Variants in PCDHGA2 observed in about 807,000 individuals in gnomAD.
PCDHGA2 encodes the protein protocadherin gamma subfamily A, 2, also known as protocadherin gamma-A2.
Under a neutral mutation model 59.2 loss-of-function variants are expected in PCDHGA2, and 40 were observed. The ratio of observed to expected loss-of-function variants is 0.68; its 90% CI spans 0.52 to 0.88. The LOEUF (loss-of-function observed/expected upper bound fraction) is 0.88, where lower values mean the gene tolerates loss of function less well. Among genes scored for constraint, PCDHGA2 ranks in the 40% least tolerant of loss-of-function variants. The probability of loss-of-function intolerance (pLI) is 0.00; values close to 1 mark genes in which losing one functional copy is unlikely to be tolerated. For missense variants in PCDHGA2, 1,226 were observed against 1,204.0 expected, an observed-to-expected ratio of 1.02 and a Z score of -0.27; for synonymous variants, 560 against 526.0, an observed-to-expected ratio of 1.06 and a Z score of -0.89.
At chr5:141,429,045 G>C (rs919761577) in intron 1 of PCDHGA2, 15 of 151,954 alleles carry the variant, frequency 9.9e-5, no homozygotes, top group African/African-American at 2.9e-4. Context: ...TAGTACAGAC[G>C]GGGTTTCACC....
intron 1 of PCDHGA2, chr5:141,400,422 T>C (rs1460679509): frequency 1.2e-6 from 2 of 1,613,936 alleles, no homozygotes; most frequent in Non-Finnish European, 1.7e-6. Flanking sequence ...TCCTAAAATG[T>C]AGTGAGCAAT....
intron 1 of PCDHGA2, chr5:141,375,942 G>A (rs1772069544): frequency 1.2e-6 from 2 of 1,613,400 alleles, no homozygotes; most frequent in African/African-American, 2.7e-5. Flanking sequence ...TTCTCAGTGG[G>A]CCTGCACACG....
intron 1 of PCDHGA2, among the ~76,000 whole-genome samples, chr5:141,347,824 T>C (rs1758026620): frequency 6.6e-6 from 1 of 152,170 alleles, no homozygotes; most frequent in African/African-American, 2.4e-5. Flanking sequence ...CAAATGGTTT[T>C]ACCTATAGTG....
intron 1 of PCDHGA2, chr5:141,440,868 T>G (rs1288344051): frequency 3.9e-5 from 6 of 152,150 alleles, no homozygotes; most frequent in Non-Finnish European, 1.5e-5. Context: ...ATCTAGGATG[T>G]GTACAGCGTC....
At chr5:141,371,133 T>A in intron 1 of PCDHGA2, 2 of 1,614,000 alleles carry the variant, frequency 1.2e-6, no homozygotes, top group Non-Finnish European at 1.7e-6. Context: ...TCAGGACATG[T>A]ACAGGGTCAA....
At chr5:141,500,840 C>G (rs1394248251) in intron 2 of PCDHGA2, among the ~76,000 whole-genome samples, 1 of 151,966 alleles carries the variant, frequency 6.6e-6, no homozygotes, top group Non-Finnish European at 1.5e-5. Context: ...TGCTAATGGG[C>G]TTTTGCTACA....
At chr5:141,435,863 C>T (rs772361494) in intron 1 of PCDHGA2, among the ~76,000 whole-genome samples, 16 of 151,882 alleles carry the variant, frequency 1.1e-4, no homozygotes, top group Non-Finnish European at 2.2e-4. Context: ...TAGTTAAAAC[C>T]CAGAAAAGAG....
chr5:141,464,402 G>GAT (rs1039725208), intron 1 of PCDHGA2, among the ~76,000 whole-genome samples: 22 of 150,720 alleles, frequency 1.5e-4, no homozygotes, highest in Admixed American at 7.3e-4. Context: ...AAGAACCTGA[G>GAT]ATATATATAT....
At chr5:141,498,679 C>T (rs1454800332) in intron 2 of PCDHGA2, among the ~76,000 whole-genome samples, 1 of 152,170 alleles carries the variant, frequency 6.6e-6, no homozygotes, top group African/African-American at 2.4e-5. Flanking sequence ...CGCCTGTAAT[C>T]CCAGCACTTT....
At chr5:141,370,900 A>G (rs1561548541) in intron 1 of PCDHGA2, 1 of 1,613,950 alleles carries the variant, frequency 6.2e-7, no homozygotes, top group African/African-American at 1.3e-5. Flanking sequence ...TCGCTGCAGC[A>G]GTACTACCTC....
Position 141,361,518 on chromosome 5 carries a change from G to A in PCDHGA2, c.2424+20123G>A, listed in dbSNP as rs537842997. Reference sequence around the variant, plus strand: ...AACAGACTTCCTACATGGTTCACGTGGCAGAGAACAATCCTCCTGGCGCCT... The same window carrying A: ...AACAGACTTCCTACATGGTTCACGTAGCAGAGAACAATCCTCCTGGCGCCT... On this transcript the variant is annotated intron_variant, in intron 1 of 3. Transcript: ENST00000394576. 26 of 1,614,022 alleles carry A rather than the reference G, an allele frequency of 1.6e-5. No homozygotes were observed. The South Asian group carries it at 2.6e-4, about 16-fold the overall frequency.
chr5:141,410,295 T>C (rs1043971768), intron 1 of PCDHGA2: 2 of 1,613,982 alleles, frequency 1.2e-6, no homozygotes, highest in East Asian at 2.2e-5. Context: ...GCCTTGGCCT[T>C]AATCTCAGTG....
chr5:141,352,824 C>T (rs1366479814), intron 1 of PCDHGA2: 2 of 782,824 alleles, frequency 2.6e-6, no homozygotes, highest in Non-Finnish European at 4.0e-6. Context: ...ACCCGGTCTA[C>T]TAAAATTACA....
At position 141,395,150 on chromosome 5, in the gene PCDHGA2, C is replaced by T. The variant is rs368875505; in HGVS notation, c.2424+53755C>T. ...CCCAGCCCAACTACGCAGACATGCT[C>T]ATCAGTCAGGAGGGCTGTGAGAAAA... On this transcript the variant is annotated intron_variant, in intron 1 of 3. Transcript: ENST00000394576. 8 of 1,614,044 alleles carry T rather than the reference C, an allele frequency of 5.0e-6. No individual in the cohort carries two copies. In the African/African-American group the frequency reaches 6.7e-5, roughly 13 times the overall value.
rs540188136 is a variant in PCDHGA2 at position 141,375,695 on chromosome 5, G to T, written c.2424+34300G>T. Reference sequence around the variant, plus strand: ...GCTGTGGGTGACAGCCAGCGACAGCGGGGACCCGCCTCTTAGCAGCAACGT... The same window carrying T: ...GCTGTGGGTGACAGCCAGCGACAGCTGGGACCCGCCTCTTAGCAGCAACGT... On this transcript the variant is annotated intron_variant, in intron 1 of 3. Coordinates refer to ENST00000394576, the MANE Select transcript of PCDHGA2 (RefSeq NM_018915.4). 1.5e-5 allele frequency: 25 copies of T among 1,614,250 alleles called. No individual in the cohort carries two copies. In the African/African-American group the frequency reaches 2.9e-4, roughly 19 times the overall value.
intron 1 of PCDHGA2, chr5:141,371,718 A>T (rs1191526865): frequency 6.2e-7 from 1 of 1,613,946 alleles, no homozygotes; most frequent in Non-Finnish European, 8.5e-7. Flanking sequence ...CACTCTGCAC[A>T]TCCTTGATGT....
Position 141,393,095 on chromosome 5 carries a change from G to A in PCDHGA2, c.2424+51700G>A, listed in dbSNP as rs1057103671. On this transcript the variant is annotated intron_variant, in intron 1 of 3. Transcript: ENST00000394576. ...CCGCGGGCAGGATAGATCGGGAGGA[G>A]CTCTGCGCTCAGAGCCCGCGGTGTC... The A allele has an allele frequency of 3.1e-6, 5 of 1,613,520 alleles. No homozygotes were observed. The East Asian group carries it at 8.9e-5, about 29-fold the overall frequency.
rs192424877 is a variant in PCDHGA2, at chr5:141,361,678, T to C, written c.2424+20283T>C. On this transcript the variant is annotated intron_variant, in intron 1 of 3. Coordinates refer to ENST00000394576, the MANE Select transcript of PCDHGA2 (RefSeq NM_018915.4). The stretch of plus-strand genomic sequence containing the variant: ...CGTGAGCGCGCAGAGCGGGGTGGTG[T>C]TCGCGCAGCGCGCCTTCGATCATGA... The C allele has an allele frequency of 2.5e-3, 4,039 of 1,613,592 alleles. 13 individuals carry two copies. The highest frequency in any genetic ancestry group is 3.0e-3 in the Non-Finnish European group (3,545 of 1,179,894).
chr5:141,344,397 G>A, intron 1 of PCDHGA2: 1 of 1,611,536 alleles, frequency 6.2e-7, no homozygotes, highest in Non-Finnish European at 8.5e-7. Context: ...AGTAGAAATA[G>A]AAATTAAAGA....
Sources: gnomAD v4.1 joint callset for allele counts (sites outside exome capture counted in the v4.1 genomes callset) on GRCh38, gnomAD v4.1.1 for gene constraint, MANE v1.5 for transcripts, NCBI Gene and HGNC (gene_info 2026-07-23, HGNC 2026-07-21) for gene names.